MCPH1: variants seen among roughly 807,000 people sequenced by gnomAD.
MCPH1 encodes the protein microcephalin.
In MCPH1, 104 loss-of-function variants were observed where a neutral mutation model predicts 84.5. The observed-to-expected ratio is 1.23, with a 90% confidence interval of 1.05 to 1.45. MCPH1 has a LOEUF of 1.45. Ranked by LOEUF, MCPH1 falls within the 40% of genes most tolerant of loss-of-function variation. The probability of loss-of-function intolerance (pLI) is 0.00; values close to 1 mark genes in which losing one functional copy is unlikely to be tolerated. For missense variants in MCPH1, 1,498 were observed against 1,005.7 expected (o/e 1.49, Z -6.62); for synonymous variants, 514 against 366.8 (o/e 1.40, Z -4.58).
chr8:6,500,540 T>G (rs938591603), intron 12 of MCPH1: 82 of 154,060 alleles, frequency 5.3e-4, no homozygotes, highest in Non-Finnish European at 4.9e-4. Context: ...AATGGTGATT[T>G]TTATCTGCCA....
At chr8:6,464,148 C>A (rs184110887) in intron 9 of MCPH1, among the ~76,000 whole-genome samples, 1 of 152,180 alleles carries the variant, frequency 6.6e-6, no homozygotes, top group Admixed American at 6.5e-5. Context: ...GCCGACCAGC[C>A]GGCCAGTGAG....
chr8:6,513,734 A>T, intron 12 of MCPH1: 1 of 1,614,082 alleles, frequency 6.2e-7, no homozygotes, highest in East Asian at 2.2e-5. Context: ...AGTAAGCCTC[A>T]TTCCCTTCCC....
chr8:6,575,689 T>C (rs1262995165), intron 12 of MCPH1, among the ~76,000 whole-genome samples: 1 of 152,188 alleles, frequency 6.6e-6, no homozygotes, highest in Non-Finnish European at 1.5e-5. Context: ...GCAGTTGTAA[T>C]CAGTTAAGAT....
chr8:6,600,446 G>A (rs1829267098), intron 12 of MCPH1, among the ~76,000 whole-genome samples: 1 of 152,212 alleles, frequency 6.6e-6, no homozygotes, highest in Non-Finnish European at 1.5e-5. Context: ...TGCTCCTTCA[G>A]ATACATTTAC....
At chr8:6,631,000 T>C (rs1044374514) in intron 13 of MCPH1, among the ~76,000 whole-genome samples, 2 of 152,182 alleles carry the variant, frequency 1.3e-5, no homozygotes, top group Non-Finnish European at 2.9e-5. Flanking sequence ...AGAAGCTGTC[T>C]GCAGAGATGT....
At chr8:6,410,710 A>G (rs1281221614) in intron 2 of MCPH1, among the ~76,000 whole-genome samples, 1 of 152,224 alleles carries the variant, frequency 6.6e-6, no homozygotes, top group Non-Finnish European at 1.5e-5. Context: ...TCACATCTTC[A>G]TTCCCAAAGA....
intron 4 of MCPH1, 68 bp from the exon 5 acceptor site, chr8:6,435,980 G>T: frequency 3.8e-6 from 6 of 1,585,016 alleles, no homozygotes; most frequent in Non-Finnish European, 5.1e-6. Context: ...AAATGTATGC[G>T]AAAGGGCTTT....
At chr8:6,464,209 T>G (rs941983525) in intron 9 of MCPH1, among the ~76,000 whole-genome samples, 7 of 152,144 alleles carry the variant, frequency 4.6e-5, no homozygotes, top group Admixed American at 4.6e-4. Flanking sequence ...GTTTCAGTGA[T>G]CTGTAATTGC....
rs918848036 is a variant in MCPH1, at chr8:6,444,871, G to A, written c.1149G>A (p.Pro383=). 2.0e-5 allele frequency: 32 copies of A among 1,614,198 alleles called. No individual in the cohort carries two copies. Among genetic ancestry groups the A allele is most frequent in the South Asian group, 7.7e-5 (7 of 91,082 alleles). ...GGAGCACCAGGAGATCTATCATGCC[G>A]AGGCTGCAGCTGTGCAGGTCGGAAG... ...RKRSTRRSIM[P]RLQLCRSEDR... is the part of the protein sequence containing the mutation. The change falls in exon 8 of 14, where the codon CCG becomes CCA. Residue 383 remains proline (P), a synonymous_variant. Coordinates refer to ENST00000344683, the MANE Select transcript of MCPH1 (RefSeq NM_024596.5).
intron 11 of MCPH1, among the ~76,000 whole-genome samples, chr8:6,493,420 A>G (rs954632163): frequency 2.0e-5 from 3 of 152,222 alleles, no homozygotes; most frequent in Non-Finnish European, 4.4e-5. Context: ...CCCTCTCACC[A>G]CCTGGAATTC....
At chr8:6,492,989 T>C (rs866419741) in intron 11 of MCPH1, among the ~76,000 whole-genome samples, 3 of 152,164 alleles carry the variant, frequency 2.0e-5, no homozygotes, top group South Asian at 2.1e-4. Context: ...TGATTGCTCT[T>C]AGTAGCCATA....
At chr8:6,446,188 A>C (rs1804340911) in intron 8 of MCPH1, 1 of 891,662 alleles carries the variant, frequency 1.1e-6, no homozygotes, top group Non-Finnish European at 1.3e-6. Flanking sequence ...TGTAATTATA[A>C]TAAACCATAT....
chr8:6,507,813 C>T (rs910707878), intron 12 of MCPH1: 5 of 147,276 alleles, frequency 3.4e-5, no homozygotes, highest in Non-Finnish European at 6.2e-5. Context: ...GAACTCCTAA[C>T]TTCAGGTGAT....
At chr8:6,508,833 A>C (rs747836588) in intron 12 of MCPH1, 7 of 1,523,938 alleles carry the variant, frequency 4.6e-6, no homozygotes, top group Non-Finnish European at 5.4e-6. Context: ...AATTGTGGAC[A>C]TCGTTACAAA....
chr8:6,633,584 GAC>G (rs1373120430), intron 13 of MCPH1, among the ~76,000 whole-genome samples: 2 of 152,066 alleles, frequency 1.3e-5, no homozygotes, highest in Non-Finnish European at 2.9e-5. Context: ...ACAGGTGCAC[GAC>G]ACAGTTGATT....
At chr8:6,492,390 T>C (rs1194906863) in intron 11 of MCPH1, among the ~76,000 whole-genome samples, 1 of 151,828 alleles carries the variant, frequency 6.6e-6, no homozygotes, top group Non-Finnish European at 1.5e-5. Context: ...GTCAGATGAG[T>C]AGATTGCAAA....
intron 3 of MCPH1, among the ~76,000 whole-genome samples, chr8:6,422,951 G>A (rs149507698): frequency 6.6e-6 from 1 of 151,622 alleles, no homozygotes; most frequent in Non-Finnish European, 1.5e-5. Context: ...GTCTCCCAAA[G>A]TGCTAGGATT....
intron 11 of MCPH1, among the ~76,000 whole-genome samples, chr8:6,490,352 G>C (rs1451118391): frequency 6.6e-6 from 1 of 152,202 alleles, no homozygotes; most frequent in African/African-American, 2.4e-5. Context: ...GTCTTCAGCT[G>C]TCCATCATTT....
chr8:6,587,116 C>G (rs1317754511), intron 12 of MCPH1, among the ~76,000 whole-genome samples: 1 of 152,066 alleles, frequency 6.6e-6, no homozygotes, highest in Admixed American at 6.5e-5. Context: ...TTGACTTGGC[C>G]TGAGTATGCG....
Sources: allele counts gnomAD v4.1 joint callset (sites outside exome capture counted in the v4.1 genomes callset), GRCh38; gene constraint gnomAD v4.1.1; transcripts MANE v1.5; gene names NCBI Gene and HGNC (gene_info 2026-07-23, HGNC 2026-07-21).